The following PXDNL variants were observed in gnomAD, a reference collection of about 807,000 sequenced individuals.
PXDNL encodes probable oxidoreductase PXDNL.
A neutral mutation model predicts 150.8 loss-of-function variants in PXDNL; 145 were observed. The ratio of observed to expected loss-of-function variants is 0.96; its 90% confidence interval spans 0.84 to 1.10. The LOEUF (loss-of-function observed/expected upper bound fraction) is 1.10, where lower values mean the gene tolerates loss of function less well. Among genes scored for constraint, PXDNL ranks in the 50% least tolerant of loss-of-function variants. PXDNL has a pLI of 0.00. For missense variants in PXDNL, 2,087 were observed against 1,873.9 expected, an observed-to-expected ratio of 1.11 and a Z score of -2.10; for synonymous variants, 757 against 725.7, an observed-to-expected ratio of 1.04 and a Z score of -0.69.
intron 2 of PXDNL, among the ~76,000 whole-genome samples, chr8:51,637,388 C>G (rs543990194): frequency 2.6e-5 from 4 of 151,824 alleles, no homozygotes; most frequent in African/African-American, 9.7e-5. Flanking sequence ...AGGCTTCAGA[C>G]GATCAAACTT....
intron 1 of PXDNL, among the ~76,000 whole-genome samples, chr8:51,794,704 A>T (rs1202117233): frequency 1.3e-5 from 2 of 152,190 alleles, no homozygotes; most frequent in Non-Finnish European, 2.9e-5. Flanking sequence ...CACTGCAAAA[A>T]CACACTGAAG....
chr8:51,363,314 C>A (rs922872959), intron 19 of PXDNL, among the ~76,000 whole-genome samples: 2 of 151,402 alleles, frequency 1.3e-5, no homozygotes, highest in African/African-American at 4.9e-5. Flanking sequence ...GGTACTGTAA[C>A]AGGACAAGCC....
At chr8:51,508,979 C>A (rs535872993) in intron 4 of PXDNL, among the ~76,000 whole-genome samples, 127 of 152,218 alleles carry the variant, frequency 8.3e-4, no homozygotes, top group Non-Finnish European at 1.5e-3. Flanking sequence ...GATGCTGCAC[C>A]CATCCCAAAC....
At chr8:51,352,352 G>C (rs1045282516) in intron 19 of PXDNL, among the ~76,000 whole-genome samples, 1 of 152,016 alleles carries the variant, frequency 6.6e-6, no homozygotes, top group Non-Finnish European at 1.5e-5. Context: ...AAAGTGCATC[G>C]GTGGATTAAA....
chr8:51,614,186 C>T (rs1020433452), intron 2 of PXDNL, among the ~76,000 whole-genome samples: 1 of 152,202 alleles, frequency 6.6e-6, no homozygotes, highest in Admixed American at 6.5e-5. Flanking sequence ...CAGTCATTCT[C>T]TTATAATTTA....
intron 1 of PXDNL, among the ~76,000 whole-genome samples, chr8:51,808,062 GGAT>G (rs1461598056): frequency 2.6e-5 from 4 of 152,112 alleles, no homozygotes; most frequent in Admixed American, 1.3e-4. Context: ...GAAAATCTAT[GGAT>G]AATATGTCAT....
intron 1 of PXDNL, among the ~76,000 whole-genome samples, chr8:51,787,418 A>T (rs1481460162): frequency 1.3e-5 from 2 of 152,222 alleles, no homozygotes; most frequent in African/African-American, 4.8e-5. Context: ...TCATGAGAGA[A>T]AGTCAAAATA....
chr8:51,352,377 T>A (rs1806379043), intron 19 of PXDNL, among the ~76,000 whole-genome samples: 1 of 152,158 alleles, frequency 6.6e-6, no homozygotes, highest in African/African-American at 2.4e-5. Flanking sequence ...GTGGTATATA[T>A]ACACCATGGA....
At chr8:51,327,749 T>A (rs949010606) in intron 21 of PXDNL, among the ~76,000 whole-genome samples, 5 of 152,196 alleles carry the variant, frequency 3.3e-5, no homozygotes, top group African/African-American at 1.2e-4. Flanking sequence ...CAGCATTAGT[T>A]CCAGCATGTG....
chr8:51,425,599 C>T (rs531909195), intron 13 of PXDNL, among the ~76,000 whole-genome samples: 9 of 152,024 alleles, frequency 5.9e-5, no homozygotes, highest in Admixed American at 2.6e-4. Context: ...GTTGGGAGGC[C>T]GAGGCAGGAG....
intron 1 of PXDNL, among the ~76,000 whole-genome samples, chr8:51,745,825 A>T (rs1393066359): frequency 6.6e-6 from 1 of 150,534 alleles, no homozygotes; most frequent in Non-Finnish European, 1.5e-5. Flanking sequence ...ACTGGAGTGC[A>T]GTGGTGCGAC....
chr8:51,663,615 GGTGGTATCCCT>G (rs1291845707), intron 1 of PXDNL, among the ~76,000 whole-genome samples: 2 of 152,144 alleles, frequency 1.3e-5, no homozygotes, highest in African/African-American at 2.4e-5. Flanking sequence ...CGGTTTTGAC[GGTGGTATCCCT>G]GTATGTGGGA....
intron 1 of PXDNL, among the ~76,000 whole-genome samples, chr8:51,760,844 A>ATTTT (rs1563312827): frequency 2.5e-4 from 12 of 48,034 alleles, no homozygotes; most frequent in East Asian, 9.5e-4. Flanking sequence ...AATCACTTAA[A>ATTTT]CTTTTTTTTT....
At chr8:51,711,001 C>T (rs1349280222) in intron 1 of PXDNL, among the ~76,000 whole-genome samples, 1 of 151,964 alleles carries the variant, frequency 6.6e-6, no homozygotes, top group Non-Finnish European at 1.5e-5. Flanking sequence ...CAACGTAGAA[C>T]TGAAAATCCA....
intron 4 of PXDNL, among the ~76,000 whole-genome samples, chr8:51,519,053 G>T (rs2979116): frequency 0.014 from 2,088 of 152,314 alleles, 22 homozygotes; most frequent in South Asian, 0.04. Context: ...TGGCCATTAG[G>T]AAAGTGAAAG....
intron 17 of PXDNL, among the ~76,000 whole-genome samples, chr8:51,403,594 G>A (rs905079900): frequency 3.3e-5 from 5 of 152,118 alleles, no homozygotes; most frequent in African/African-American, 4.8e-5. Flanking sequence ...CATATCACAC[G>A]GGCCCTGGTG....
intron 1 of PXDNL, among the ~76,000 whole-genome samples, chr8:51,801,811 T>C (rs2037624115): frequency 6.6e-6 from 1 of 152,220 alleles, no homozygotes; most frequent in Non-Finnish European, 1.5e-5. Context: ...GGTCATTCTA[T>C]TTAGTTAGAT....
rs531018916 is a variant in PXDNL at position 51,748,254 on chromosome 8, C to T, written c.164+60927G>A. ...ATTGATTCTCTAAATAACAAGTTAACGTTTGCCTCCTTTTTTGAGATTGCC... is the reference window on the plus strand; with the variant it reads ...ATTGATTCTCTAAATAACAAGTTAATGTTTGCCTCCTTTTTTGAGATTGCC... On this transcript the variant is annotated intron_variant, in intron 1 of 22. Transcript: ENST00000356297. 1.1e-4 allele frequency among the ~76,000 whole-genome samples: 17 copies of T among 152,300 alleles called. No homozygotes were observed. In the East Asian group the frequency reaches 3.1e-3, roughly 28 times the overall value.
At chr8:51,733,760 G>C (rs1330323153) in intron 1 of PXDNL, among the ~76,000 whole-genome samples, 1 of 149,470 alleles carries the variant, frequency 6.7e-6, no homozygotes, top group South Asian at 2.1e-4. Context: ...GTGAGCCAAG[G>C]TCATGCCACT....
Sources: gnomAD v4.1 joint callset for allele counts (sites outside exome capture counted in the v4.1 genomes callset) on GRCh38, gnomAD v4.1.1 for gene constraint, MANE v1.5 for transcripts, NCBI Gene and HGNC (gene_info 2026-07-23, HGNC 2026-07-21) for gene names.